Variants in SLC49A4 observed in about 807,000 individuals in gnomAD.
SLC49A4 encodes the protein solute carrier family 49 member 4, also known as disrupted in renal cancer protein 2.
Under a neutral mutation model 50.6 loss-of-function variants are expected in SLC49A4, and 36 were observed. The ratio of observed to expected loss-of-function variants is 0.71; its 90% confidence interval spans 0.55 to 0.94. The LOEUF (loss-of-function observed/expected upper bound fraction) is 0.94. SLC49A4 is among the 40% of genes least tolerant of loss of function. The pLI is 0.00. For synonymous variants in SLC49A4, 248 were observed against 241.2 expected (o/e 1.03, Z -0.26); for missense variants, 503 against 605.7 (o/e 0.83, Z 1.78).
intron 5 of SLC49A4, among the ~76,000 whole-genome samples, chr3:122,850,594 A>G (rs1308823940): frequency 1.3e-5 from 2 of 151,904 alleles, no homozygotes; most frequent in African/African-American, 4.8e-5. Context: ...TGGAGCCTCA[A>G]CTTCTTGGGT....
At chr3:122,808,523 G>A (rs1307791290) in intron 2 of SLC49A4, among the ~76,000 whole-genome samples, 1 of 152,160 alleles carries the variant, frequency 6.6e-6, no homozygotes, top group Non-Finnish European at 1.5e-5. Flanking sequence ...TGGCAGGGAG[G>A]CTGGTGTGGC....
rs1042691566 is a variant in SLC49A4 at position 122,818,713 on chromosome 3, G to A, written c.438-8087G>A. Reference sequence around the variant, plus strand: ...AATCCCAGCACTTTGGAAGGCTGAGGTGGGTGGATTGCTTGAGGCCAGGAG... The same window carrying A: ...AATCCCAGCACTTTGGAAGGCTGAGATGGGTGGATTGCTTGAGGCCAGGAG... On this transcript the variant is annotated intron_variant, in intron 2 of 8. Coordinates refer to ENST00000261038, the MANE Select transcript of SLC49A4 (RefSeq NM_032839.3). Among the ~76,000 whole-genome samples the A allele has an allele frequency of 5.3e-5, 8 of 152,162 alleles. 1 individual carries two copies. Among genetic ancestry groups the A allele is most frequent in the South Asian group, 4.1e-4 (2 of 4,830 alleles).
chr3:122,811,927 C>T (rs1481793450), intron 2 of SLC49A4, among the ~76,000 whole-genome samples: 1 of 151,830 alleles, frequency 6.6e-6, no homozygotes, highest in Non-Finnish European at 1.5e-5. Flanking sequence ...TTATTTTTTA[C>T]TACTTTTGGG....
rs991136984 is a variant in SLC49A4, at chr3:122,814,851, C to T, written c.437+7901C>T. ...TCGTGTTAGTGTATTTTATGTGTGG[C>T]CCAAGACGGTTCTTCTTCTTCCAGT... is the stretch of plus-strand genomic sequence containing the variant. On this transcript the variant is annotated intron_variant, in intron 2 of 8. Transcript: ENST00000261038. Among the ~76,000 whole-genome samples, 4 of 151,646 alleles carry T rather than the reference C, an allele frequency of 2.6e-5. No individual in the cohort carries two copies. The South Asian group carries it at 6.2e-4, about 24-fold the overall frequency.
At chr3:122,806,814 A>T in intron 1 of SLC49A4, 43 bp from the exon 2 acceptor site, 1 of 1,182,958 alleles carries the variant, frequency 8.5e-7, no homozygotes, top group South Asian at 1.2e-5. Flanking sequence ...CATTGGACTT[A>T]GGAGAAAATC....
chr3:122,823,189 G>A (rs1055932856), intron 2 of SLC49A4, among the ~76,000 whole-genome samples: 4 of 152,184 alleles, frequency 2.6e-5, no homozygotes, highest in African/African-American at 9.6e-5. Context: ...CAACAAGCCT[G>A]TTTCCCAGGC....
At chr3:122,876,462 G>C (rs917175324) in intron 8 of SLC49A4, among the ~76,000 whole-genome samples, 1 of 152,146 alleles carries the variant, frequency 6.6e-6, no homozygotes, top group African/African-American at 2.4e-5. Context: ...CAACAGATGT[G>C]GACTAGTGAG....
At chr3:122,807,044 C>A in intron 2 of SLC49A4, 94 bp downstream of exon 2, 1 of 672,350 alleles carries the variant, frequency 1.5e-6, no homozygotes, top group Non-Finnish European at 2.5e-6. Flanking sequence ...TTTATAGAAG[C>A]GTTTATTTTT....
intron 7 of SLC49A4, among the ~76,000 whole-genome samples, chr3:122,862,842 T>C (rs567280029): frequency 6.6e-6 from 1 of 152,344 alleles, no homozygotes; most frequent in South Asian, 2.1e-4. Flanking sequence ...GAATTTAATT[T>C]TTTAATCTCT....
At chr3:122,874,605 T>C (rs1937239358) in intron 8 of SLC49A4, among the ~76,000 whole-genome samples, 1 of 152,222 alleles carries the variant, frequency 6.6e-6, no homozygotes, top group Non-Finnish European at 1.5e-5. Context: ...TTTAAATAAT[T>C]TCAATGTTTC....
At position 122,845,772 on chromosome 3, in the gene SLC49A4, A is replaced by G. The variant is rs775800973; in HGVS notation, c.843A>G (p.Arg281=). The change falls in exon 5 of 9, where the codon CGA becomes CGG. Residue 281 remains arginine (R), a synonymous_variant. Coordinates refer to ENST00000261038, the MANE Select transcript of SLC49A4 (RefSeq NM_032839.3). The part of the protein sequence containing the change: ...RSVCRLLSNF[R]FLMIALAYAI... ...TATTTCTCATTCACAGCAATTTTCG[A>G]TTTTTGATGATTGCTTTAGCATATG... 2.5e-6 allele frequency: 4 copies of G among 1,583,578 alleles called. No individual in the cohort carries two copies. The African/African-American group carries it at 5.4e-5, about 22-fold the overall frequency.
chr3:122,873,917 C>T (rs1015803501), intron 8 of SLC49A4, among the ~76,000 whole-genome samples: 4 of 152,184 alleles, frequency 2.6e-5, no homozygotes, highest in Non-Finnish European at 5.9e-5. Flanking sequence ...TCGGAGATGG[C>T]TGTGATCCCC....
At chr3:122,815,011 T>C (rs1249239370) in intron 2 of SLC49A4, among the ~76,000 whole-genome samples, 2 of 152,132 alleles carry the variant, frequency 1.3e-5, no homozygotes, top group Admixed American at 1.3e-4. Context: ...CAGCATCTCC[T>C]AGGGTGATAT....
Position 122,850,656 on chromosome 3 carries a change from C to CAGGTGCAT in SLC49A4, c.942+4786_942+4787insGGTGCATA, listed in dbSNP as rs1262367864. ...CCAAGTAGCTAGGGCTACAGGTGCA[C>CAGGTGCAT]ACCACCACGCCCAGCTAATTTTTTC... On this transcript the variant is annotated intron_variant, in intron 5 of 8. Coordinates refer to ENST00000261038, the MANE Select transcript of SLC49A4 (RefSeq NM_032839.3). Among the ~76,000 whole-genome samples, 12 of 152,094 alleles carry CAGGTGCAT rather than the reference C, an allele frequency of 7.9e-5. 1 individual carries two copies. Among genetic ancestry groups the CAGGTGCAT allele is most frequent in the East Asian group, 1.9e-4 (1 of 5,164 alleles).
chr3:122,861,233 A>C (rs1937055327), intron 7 of SLC49A4, among the ~76,000 whole-genome samples: 1 of 152,166 alleles, frequency 6.6e-6, no homozygotes, highest in Non-Finnish European at 1.5e-5. Flanking sequence ...GAAATAACAT[A>C]TTCACAAATT....
intron 1 of SLC49A4, among the ~76,000 whole-genome samples, chr3:122,802,077 T>C (rs1053855918): frequency 6.6e-6 from 1 of 152,146 alleles, no homozygotes; most frequent in Non-Finnish European, 1.5e-5. Flanking sequence ...CTGGGGAGGC[T>C]GAGAAAGGAG....
At chr3:122,846,674 A>G (rs1936857578) in intron 5 of SLC49A4, among the ~76,000 whole-genome samples, 2 of 152,130 alleles carry the variant, frequency 1.3e-5, no homozygotes, top group African/African-American at 4.8e-5. Context: ...ATCCCACATC[A>G]TTTGCCACTT....
At chr3:122,848,902 A>G (rs1394169379) in intron 5 of SLC49A4, among the ~76,000 whole-genome samples, 1 of 152,192 alleles carries the variant, frequency 6.6e-6, no homozygotes, top group Non-Finnish European at 1.5e-5. Context: ...ATCAAGTACT[A>G]GAACTCACTC....
At chr3:122,854,821 G>T (rs1032500610) in intron 5 of SLC49A4, among the ~76,000 whole-genome samples, 2 of 152,214 alleles carry the variant, frequency 1.3e-5, no homozygotes, top group African/African-American at 2.4e-5. Context: ...GCTGGGCGCG[G>T]TGGCTCACGC....
Sources: allele counts gnomAD v4.1 joint callset (sites outside exome capture counted in the v4.1 genomes callset), GRCh38; gene constraint gnomAD v4.1.1; transcripts MANE v1.5; gene names NCBI Gene and HGNC (gene_info 2026-07-23, HGNC 2026-07-21).